Variants in LINGO1 observed in about 807,000 individuals in gnomAD.
LINGO1 encodes leucine rich repeat and Ig domain containing 1, also known as leucine-rich repeat and immunoglobulin-like domain-containing nogo receptor-interacting protein 1.
In LINGO1, 11 loss-of-function variants were observed where a neutral mutation model predicts 37.3. The ratio of observed to expected loss-of-function variants is 0.29; its 90% CI spans 0.19 to 0.49. The LOEUF (loss-of-function observed/expected upper bound fraction) is 0.49. LINGO1 is among the 20% of genes least tolerant of loss of function. The probability of loss-of-function intolerance (pLI) is 0.99; values close to 1 mark genes in which losing one functional copy is unlikely to be tolerated. For synonymous variants in LINGO1, 387 were observed against 403.0 expected (o/e 0.96, Z 0.48); for missense variants, 585 against 878.2 (o/e 0.67, Z 4.22).
intron 1 of LINGO1, among the ~76,000 whole-genome samples, chr15:77,807,534 T>C (rs529515294): frequency 6.6e-6 from 1 of 152,136 alleles, no homozygotes; most frequent in Non-Finnish European, 1.5e-5. Flanking sequence ...ATGGGGAAAC[T>C]GAGGCGCAAA....
intron 2 of LINGO1, among the ~76,000 whole-genome samples, chr15:77,792,500 A>G (rs1267832968): frequency 6.6e-6 from 1 of 152,204 alleles, no homozygotes; most frequent in Non-Finnish European, 1.5e-5. Flanking sequence ...TCCCAGCTCC[A>G]AGCCCATCCA....
At chr15:77,622,775 TGTCGCAGCGGCCAACCATCC>T (rs2073963663) in intron 1 of LINGO1, among the ~76,000 whole-genome samples, 1 of 152,228 alleles carries the variant, frequency 6.6e-6, no homozygotes, top group Admixed American at 6.5e-5. Context: ...TTTTTCCTTC[TGTCGCAGCGGCCAACCATCC>T]GTTTCCCATG....
At position 77,808,366 on chromosome 15, in the gene LINGO1, T is replaced by C. The variant is rs1567595210; in HGVS notation, c.-458+11892A>G. 2.6e-5 allele frequency among the ~76,000 whole-genome samples: 4 copies of C among 152,130 alleles called. No individual in the cohort carries two copies. In the East Asian group the frequency reaches 5.9e-4, roughly 22 times the overall value. On this transcript the variant is annotated intron_variant, in intron 1 of 5. Coordinates refer to the LINGO1 transcript ENST00000562933. ...AGGAGCATAAGGATGCATTCCTGTA[T>C]CGGGGCAAAGGCCTTGAGAGGGAGG...
At chr15:77,656,648 G>A (rs1253974796) in intron 3 of LINGO1, among the ~76,000 whole-genome samples, 3 of 152,142 alleles carry the variant, frequency 2.0e-5, no homozygotes, top group African/African-American at 4.8e-5. Flanking sequence ...ACCACCTCCT[G>A]CAGGGACTCC....
intron 2 of LINGO1, among the ~76,000 whole-genome samples, chr15:77,733,714 G>C (rs2076175534): frequency 6.6e-6 from 1 of 152,200 alleles, no homozygotes; most frequent in South Asian, 2.1e-4. Flanking sequence ...AAAAAGAGGT[G>C]ATCAACCAAC....
chr15:77,779,924 C>T (rs1395061076), intron 1 of LINGO1, among the ~76,000 whole-genome samples: 1 of 152,146 alleles, frequency 6.6e-6, no homozygotes, highest in African/African-American at 2.4e-5. Flanking sequence ...ATACTGGAAC[C>T]CAGTGGTGAG....
chr15:77,728,871 G>C (rs912818394), intron 2 of LINGO1, among the ~76,000 whole-genome samples: 1 of 152,252 alleles, frequency 6.6e-6, no homozygotes, highest in Non-Finnish European at 1.5e-5. Context: ...TTTGTAAATT[G>C]CTTAGCACAG....
At chr15:77,745,840 G>A (rs1250572138) in intron 1 of LINGO1, among the ~76,000 whole-genome samples, 1 of 152,154 alleles carries the variant, frequency 6.6e-6, no homozygotes, top group African/African-American at 2.4e-5. Context: ...ATGTTGTGGG[G>A]GACTGTGTGA....
At chr15:77,750,751 G>A (rs1051631232) in intron 1 of LINGO1, among the ~76,000 whole-genome samples, 1 of 152,180 alleles carries the variant, frequency 6.6e-6, no homozygotes, top group African/African-American at 2.4e-5. Context: ...TTGGTTGAGT[G>A]CCAAGTATTT....
intron 1 of LINGO1, among the ~76,000 whole-genome samples, chr15:77,810,836 T>A (rs909054424): frequency 6.6e-6 from 1 of 152,192 alleles, no homozygotes; most frequent in African/African-American, 2.4e-5. Flanking sequence ...TACCTTGGGC[T>A]GGCAGAGGGC....
At chr15:77,712,981 G>C (rs781202022) in intron 2 of LINGO1, among the ~76,000 whole-genome samples, 23 of 152,006 alleles carry the variant, frequency 1.5e-4, no homozygotes, top group Non-Finnish European at 2.6e-4. Flanking sequence ...TTGTGTTCTG[G>C]TATCTGCCAT....
chr15:77,771,604 G>C lies in LINGO1; in HGVS notation c.-257+15265C>G, dbSNP rs567622373. ...CCTCCAACCTGGTCCCGGCCTCCAA[G>C]ACCCCCACCAAGTTCCGTAGATAAG... On this transcript the variant is annotated intron_variant, in intron 1 of 3. Coordinates refer to the LINGO1 transcript ENST00000561686. Among the ~76,000 whole-genome samples, 6 of 152,320 alleles carry C rather than the reference G, an allele frequency of 3.9e-5. No homozygotes were observed. In the South Asian group the frequency reaches 1.0e-3, roughly 26 times the overall value.
chr15:77,678,796 T>G (rs1305827829), intron 2 of LINGO1, among the ~76,000 whole-genome samples: 1 of 152,244 alleles, frequency 6.6e-6, no homozygotes, highest in Non-Finnish European at 1.5e-5. Flanking sequence ...CCTAGGAGAG[T>G]TCCAGTGGCT....
intron 3 of LINGO1, among the ~76,000 whole-genome samples, chr15:77,664,170 T>TGTGTGTGTGTGTGCGCGCGCGC: frequency 4.7e-4 from 61 of 130,996 alleles, no homozygotes; most frequent in African/African-American, 2.1e-3. Context: ...TGTGTGTGTG[T>TGTGTGTGTGTGTGCGCGCGCGC]GCGCGCGCGC....
chr15:77,655,609 T>C (rs536668411), intron 3 of LINGO1, among the ~76,000 whole-genome samples: 1 of 152,312 alleles, frequency 6.6e-6, no homozygotes, highest in South Asian at 2.1e-4. Flanking sequence ...GCCGCTCCAC[T>C]GGCTGCACAC....
chr15:77,775,740 A>G lies in LINGO1; in HGVS notation c.-257+11129T>C, dbSNP rs75384882. Reference sequence around the variant, plus strand: ...TGTGCCTCTCTAGACCCGGCCCAACATGGCTAAAGAGTTAGTTTCCTAAGT... The same window carrying G: ...TGTGCCTCTCTAGACCCGGCCCAACGTGGCTAAAGAGTTAGTTTCCTAAGT... On this transcript the variant is annotated intron_variant, in intron 1 of 3. Transcript: ENST00000561686. 1.2e-4 allele frequency among the ~76,000 whole-genome samples: 18 copies of G among 151,694 alleles called. No individual in the cohort carries two copies. The East Asian group carries it at 3.1e-3, about 26-fold the overall frequency.
Position 77,743,818 on chromosome 15 carries a change from C to T in LINGO1, c.-256-8765G>A, listed in dbSNP as rs12914292. On this transcript the variant is annotated intron_variant, in intron 1 of 3. Coordinates refer to the LINGO1 transcript ENST00000561686. ...GGGGGTGCTGCTGAAAGCCAGACTG[C>T]GGGGGTGGGGGAGTCCTCCCAATCT... Among the ~76,000 whole-genome samples the T allele has an allele frequency of 4.7e-5, 7 of 149,918 alleles. No individual in the cohort carries two copies. The South Asian group carries it at 6.4e-4, about 14-fold the overall frequency.
At chr15:77,699,773 A>ACCTGCACACAGCACATAC (rs2075756865), upstream of LINGO1, among the ~76,000 whole-genome samples, 1 of 149,764 alleles carries the variant, frequency 6.7e-6, no homozygotes, top group African/African-American at 2.5e-5. Context: ...ACTAACCATC[A>ACCTGCACACAGCACATAC]TTCCCCCCCT....
chr15:77,734,063 G>A (rs570415853), intron 2 of LINGO1, among the ~76,000 whole-genome samples: 2 of 152,290 alleles, frequency 1.3e-5, no homozygotes, highest in Non-Finnish European at 2.9e-5. Context: ...CCTAACTCCC[G>A]ATCTCAGTTA....
Sources: gnomAD v4.1 joint callset for allele counts (sites outside exome capture counted in the v4.1 genomes callset) on GRCh38, gnomAD v4.1.1 for gene constraint, MANE v1.5 for transcripts, NCBI Gene and HGNC (gene_info 2026-07-23, HGNC 2026-07-21) for gene names.